Variants in ZFPM2 observed in about 807,000 individuals in gnomAD.
The protein encoded by ZFPM2 is zinc finger protein ZFPM2.
In ZFPM2, 20 loss-of-function variants were observed where a neutral mutation model predicts 98.6. That is an observed-to-expected ratio of 0.20 (90% confidence interval 0.14 to 0.29). The LOEUF (loss-of-function observed/expected upper bound fraction) is 0.29. ZFPM2 is among the 10% of genes least tolerant of loss of function. The probability of loss-of-function intolerance (pLI) is 1.00; values close to 1 mark genes in which losing one functional copy is unlikely to be tolerated. For synonymous variants in ZFPM2, 518 were observed against 502.7 expected (o/e 1.03, Z -0.41); for missense variants, 1,310 against 1,388.6 (o/e 0.94, Z 0.90).
intron 1 of ZFPM2, among the ~76,000 whole-genome samples, chr8:105,342,688 AAG>A (rs1812451702): frequency 6.6e-6 from 1 of 151,972 alleles, no homozygotes; most frequent in Non-Finnish European, 1.5e-5. Flanking sequence ...AACAAAGCAA[AAG>A]AGAAAATATA....
intron 1 of ZFPM2, among the ~76,000 whole-genome samples, chr8:105,346,299 G>A (rs149719208): frequency 0.011 from 1,668 of 151,656 alleles, 15 homozygotes; most frequent in African/African-American, 0.032. Context: ...CAGGAGAATC[G>A]CTTGAACCCG....
intron 3 of ZFPM2, among the ~76,000 whole-genome samples, chr8:105,472,563 C>T (rs1207653216): frequency 3.9e-5 from 6 of 152,080 alleles, no homozygotes; most frequent in East Asian, 1.9e-4. Context: ...AGTGCAGTGG[C>T]GTGAACTCGG....
chr8:105,380,645 T>TGA (rs1554599590), intron 1 of ZFPM2, among the ~76,000 whole-genome samples: 4 of 25,678 alleles, frequency 1.6e-4, no homozygotes, highest in Middle Eastern at 0.018. Context: ...TATATATATA[T>TGA]TATATATATA....
intron 1 of ZFPM2, among the ~76,000 whole-genome samples, chr8:105,373,470 C>G (rs573339196): frequency 1.3e-5 from 2 of 152,118 alleles, no homozygotes; most frequent in Non-Finnish European, 2.9e-5. Flanking sequence ...TTAAAGGCAT[C>G]TGATGGAGAG....
chr8:105,708,273 A>G (rs10955400), intron 5 of ZFPM2, among the ~76,000 whole-genome samples: 50,330 of 152,060 alleles, frequency 0.33, 8,874 homozygotes, highest in East Asian at 0.64. Context: ...TGAAAAATTA[A>G]ATATTAACTG....
In ZFPM2 at chr8:105,798,749, T is replaced by C; in HGVS notation, c.765T>C (p.Cys255=). The C allele has an allele frequency of 6.2e-7, 1 of 1,613,860 alleles. No individual in the cohort carries two copies. The stretch of plus-strand genomic sequence containing the variant: ...AGGATATATTCCCTTGCAAGTCCTG[T>C]GGCATCTGGTATCGGAGTGAGCGGA... ...VNKDIFPCKS[C]GIWYRSERNL... is the part of the protein sequence containing the mutation. Residue 255 remains cysteine, a synonymous_variant, in exon 7 of 8, where the codon TGT becomes TGC. Transcript: ENST00000407775.
chr8:105,795,442 A>G (rs540030281), intron 6 of ZFPM2, among the ~76,000 whole-genome samples: 3 of 152,126 alleles, frequency 2.0e-5, no homozygotes, highest in East Asian at 3.9e-4. Flanking sequence ...AGCACCTTTC[A>G]TTAATGCTTC....
chr8:105,473,223 T>G (rs77508677), intron 3 of ZFPM2, among the ~76,000 whole-genome samples: 2,905 of 152,204 alleles, frequency 0.019, 92 homozygotes, highest in African/African-American at 0.066. Flanking sequence ...CCTGGTCTAT[T>G]GCATCTTTTA....
intron 4 of ZFPM2, among the ~76,000 whole-genome samples, chr8:105,583,580 A>AT (rs1419990433): frequency 1.3e-5 from 2 of 152,098 alleles, no homozygotes; most frequent in African/African-American, 2.4e-5. Context: ...AGTAAGGGGA[A>AT]TTTTTTTCCT....
At chr8:105,451,577 G>C (rs1812486097) in intron 3 of ZFPM2, 2 of 152,180 alleles carry the variant, frequency 1.3e-5, no homozygotes, top group South Asian at 4.1e-4. Flanking sequence ...AGAATGCCTT[G>C]TGGAGATAAA....
At chr8:105,729,876 AATAT>A (rs1811892279) in intron 5 of ZFPM2, among the ~76,000 whole-genome samples, 1 of 150,990 alleles carries the variant, frequency 6.6e-6, no homozygotes, top group African/African-American at 2.4e-5. Context: ...CTCTCTATTA[AATAT>A]ATATAGTACT....
intron 4 of ZFPM2, among the ~76,000 whole-genome samples, chr8:105,623,210 T>A (rs916391825): frequency 6.6e-5 from 10 of 152,180 alleles, no homozygotes; most frequent in African/African-American, 2.4e-4. Context: ...TAATAATTTG[T>A]CTCAGAAAAT....
chr8:105,431,516 T>C (rs111910786), intron 2 of ZFPM2, among the ~76,000 whole-genome samples: 2 of 152,208 alleles, frequency 1.3e-5, no homozygotes, highest in Admixed American at 6.5e-5. Context: ...CTGGATATCG[T>C]AGAATTTACC....
chr8:105,749,436 G>A (rs1029793060), intron 5 of ZFPM2, among the ~76,000 whole-genome samples: 8 of 152,010 alleles, frequency 5.3e-5, no homozygotes, highest in African/African-American at 1.9e-4. Flanking sequence ...GGACAAAATT[G>A]TTTCTGTGAA....
rs10094680 is a variant in ZFPM2, at chr8:105,393,139, G to A, written c.41-26005G>A. 5.9e-3 allele frequency among the ~76,000 whole-genome samples: 901 copies of A among 152,220 alleles called. 7 individuals are homozygous for A. Among genetic ancestry groups the A allele is most frequent in the African/African-American group, 0.021 (864 of 41,540 alleles). On this transcript the variant is annotated intron_variant, in intron 1 of 7. Coordinates refer to ENST00000407775, the MANE Select transcript of ZFPM2 (RefSeq NM_012082.4). ...TTTTTAAAGCCTCTAATATCCAGGTGAAGACCAATCCAATCAGTCTGATTT... is the reference window on the plus strand; with the variant it reads ...TTTTTAAAGCCTCTAATATCCAGGTAAAGACCAATCCAATCAGTCTGATTT...
chr8:105,512,313 C>A (rs376373488), intron 3 of ZFPM2, among the ~76,000 whole-genome samples: 1 of 152,122 alleles, frequency 6.6e-6, no homozygotes, highest in East Asian at 1.9e-4. Context: ...ACAGCTTTGA[C>A]CCTTGTAAAC....
chr8:105,632,137 CT>C (rs1260591924), intron 4 of ZFPM2, among the ~76,000 whole-genome samples: 1 of 151,750 alleles, frequency 6.6e-6, no homozygotes, highest in Admixed American at 6.6e-5. Flanking sequence ...GCTGCAGATC[CT>C]TTGGGGTTTT....
At chr8:105,567,016 T>C (rs541355270) in intron 4 of ZFPM2, among the ~76,000 whole-genome samples, 8 of 152,178 alleles carry the variant, frequency 5.3e-5, no homozygotes, top group Non-Finnish European at 1.2e-4. Context: ...AGTTTTAAGA[T>C]AGTCATCTTT....
intron 1 of ZFPM2, among the ~76,000 whole-genome samples, chr8:105,359,664 G>A (rs1357527480): frequency 1.3e-5 from 2 of 152,032 alleles, no homozygotes; most frequent in South Asian, 2.1e-4. Context: ...GTGAGCCACC[G>A]CGCCCGGCCC....
Sources: gnomAD v4.1 joint callset for allele counts (sites outside exome capture counted in the v4.1 genomes callset) on GRCh38, gnomAD v4.1.1 for gene constraint, MANE v1.5 for transcripts, NCBI Gene and HGNC (gene_info 2026-07-23, HGNC 2026-07-21) for gene names.